IRF5: variants seen among roughly 807,000 people sequenced by gnomAD.
The protein encoded by IRF5 is interferon regulatory factor 5.
Under a neutral mutation model 55.1 loss-of-function variants are expected in IRF5, and 24 were observed. The observed-to-expected ratio is 0.44, with a 90% confidence interval of 0.32 to 0.61. The LOEUF is 0.61. Ranked by LOEUF, IRF5 falls within the 20% of genes least tolerant of loss-of-function variation. The pLI is 0.07. For missense variants in IRF5, 499 were observed against 658.5 expected (o/e 0.76, Z 2.65); for synonymous variants, 258 against 260.2 (o/e 0.99, Z 0.08).
At position 128,946,612 on chromosome 7, in the gene IRF5, G is replaced by A. The variant is rs1585304249; in HGVS notation, c.447+50G>A. 3 of 1,285,180 alleles carry A rather than the reference G, an allele frequency of 2.3e-6. No individual in the cohort carries two copies. In the East Asian group the frequency reaches 7.2e-5, roughly 31 times the overall value. The allele number at this position is 1,285,180 out of a possible 1,614,324, so 79.6% of individuals were successfully genotyped here. ...TGGAGCCCTGGACGAGCTCTCTGCT[G>A]TCCCCATCGGCCTTAGGTTTCCGCA... is the stretch of plus-strand genomic sequence containing the variant. On this transcript the variant is annotated intron_variant, in intron 4 of 8. Coordinates refer to ENST00000357234, the MANE Select transcript of IRF5 (RefSeq NM_001098629.3). The surrounding 1 kb of genome is among the most constrained non-coding windows in gnomAD (Gnocchi z 4.2).
At chr7:128,939,512 C>G (rs1188241656) in intron 1 of IRF5, among the ~76,000 whole-genome samples, 1 of 152,124 alleles carries the variant, frequency 6.6e-6, no homozygotes, top group East Asian at 1.9e-4. Context: ...CTTGTCCTCT[C>G]CCTGAGCTGG....
chr7:128,937,932 G>A lies in IRF5; in HGVS notation c.-129G>A, dbSNP rs1408012180. 1 of 152,360 alleles carries A rather than the reference G, an allele frequency of 6.6e-6. No individual in the cohort carries two copies. 9.4% of individuals were successfully genotyped at this position (152,360 alleles called of 1,614,324 possible). A position where few individuals can be genotyped will look rare whatever the true frequency, so the allele number is the denominator to read the frequency against. The stretch of plus-strand genomic sequence containing the variant: ...TGCCCAGGGGCGGGGGCGGCAAGAC[G>A]CGGAAGTGCCCGGCAGGTTGGCGGA... On this transcript the variant is annotated 5_prime_UTR_variant, in exon 1 of 9. Coordinates refer to ENST00000357234, the MANE Select transcript of IRF5 (RefSeq NM_001098629.3).
In IRF5 at chr7:128,947,485, C is replaced by T. The variant is rs748782161; in HGVS notation, c.737C>T (p.Ala246Val). 3 of 1,603,636 alleles carry T rather than the reference C, an allele frequency of 1.9e-6. No homozygotes were observed. The highest frequency in any genetic ancestry group is 1.3e-5 in the African/African-American group (1 of 74,616). Residue 246 changes from alanine (A) to valine (V), a missense_variant, in exon 6 of 9, where the codon GCA becomes GTA. Ala to Val is a moderately conservative substitution (Grantham distance 64, BLOSUM62 0). Coordinates refer to ENST00000357234, the MANE Select transcript of IRF5 (RefSeq NM_001098629.3). This position sits in a 1 kb window ranked among gnomAD's most constrained non-coding sequence, Gnocchi z 6.5. ...CCCCTGCCTGCCAGCCTGCCCCCTG[C>T]AGGCGAACAGCTCCTGCCAGACCTG... ...PGPLPASLPP[A>V]GEQLLPDLLI...
Position 128,946,694 on chromosome 7 carries a change from TG to T in IRF5, c.447+135del. 1.5e-6 allele frequency: 1 copy of T among 687,200 alleles called. No individual in the cohort carries two copies. The highest frequency in any genetic ancestry group is 1.7e-5 in the South Asian group (1 of 58,868). 42.6% of individuals were successfully genotyped at this position (687,200 alleles called of 1,614,324 possible). ...CAATAGTTCTCCTTGTTTCTTCTCCTGGGATTCTGAACGATAGGAGCACAGT... is the reference window on the plus strand; with the variant it reads ...CAATAGTTCTCCTTGTTTCTTCTCCTGGATTCTGAACGATAGGAGCACAGT... On this transcript the variant is annotated intron_variant, in intron 4 of 8. Transcript: ENST00000357234. The surrounding 1 kb of genome is among the most constrained non-coding windows in gnomAD (Gnocchi z 4.2).
chr7:128,943,376 C>CTT (rs200345101), intron 2 of IRF5, among the ~76,000 whole-genome samples: 22 of 136,732 alleles, frequency 1.6e-4, no homozygotes, highest in African/African-American at 4.3e-4. Context: ...CATATATACT[C>CTT]TTTTTTTTTT....
At position 128,945,950 on chromosome 7, in the gene IRF5, CG is replaced by C; in HGVS notation, c.302del (p.Arg101ProfsTer57). The C allele has an allele frequency of 6.2e-7, 1 of 1,613,412 alleles. No individual in the cohort carries two copies. On this transcript the variant is annotated frameshift_variant, in exon 3 of 9. Transcript: ENST00000357234. LOFTEE classifies it high-confidence loss of function. ...TGCCCTTAACAAGAGCCGGGACTTC[CG>C]CCTCATCTACGACGGGCCCCGGGAC... ...RCALNKSRDF[R>X]LIYDGPRDMP...
chr7:128,938,897 C>A (rs1795875263), intron 1 of IRF5, among the ~76,000 whole-genome samples: 1 of 152,012 alleles, frequency 6.6e-6, no homozygotes, highest in African/African-American at 2.4e-5. Flanking sequence ...CCCAGCCTCG[C>A]GGCCACGCTG....
Position 128,946,338 on chromosome 7 carries a change from T to C in IRF5, c.386-163T>C, listed in dbSNP as rs1796300899. Among the ~76,000 whole-genome samples the C allele has an allele frequency of 6.6e-6, 1 of 152,228 alleles. No individual in the cohort carries two copies. The highest frequency in any genetic ancestry group is 6.5e-5 in the Admixed American group (1 of 15,288). ...CATGGCCCATGGAGTCGGGGAGGTC[T>C]TTCCCAATCCTGGTGGCTGTGCCCT... On this transcript the variant is annotated intron_variant, in intron 3 of 8. Transcript: ENST00000357234. The surrounding 1 kb of genome is among the most constrained non-coding windows in gnomAD (Gnocchi z 4.2).
At position 128,948,565 on chromosome 7, in the gene IRF5, C is replaced by T; in HGVS notation, c.1300-8C>T. On this transcript the variant is annotated splice_polypyrimidine_tract_variant and splice_region_variant and intron_variant, in intron 8 of 8. Coordinates refer to ENST00000357234, the MANE Select transcript of IRF5 (RefSeq NM_001098629.3). This position sits in a 1 kb window ranked among gnomAD's most constrained non-coding sequence, Gnocchi z 4.6. The stretch of plus-strand genomic sequence containing the variant: ...GTCTCCCTGTCTCATCTCCTCTTTG[C>T]CTCCCAGGTGGTGCCTGTAGCAGCT... 6.2e-7 allele frequency: 1 copy of T among 1,613,280 alleles called. No homozygotes were observed. Among genetic ancestry groups the T allele is most frequent in the Non-Finnish European group, 8.5e-7 (1 of 1,179,992 alleles).
chr7:128,948,240 A>C lies in IRF5; in HGVS notation c.1211A>C (p.Asn404Thr). 6.2e-7 allele frequency: 1 copy of C among 1,613,586 alleles called. No individual in the cohort carries two copies. The highest frequency in any genetic ancestry group is 8.5e-7 in the Non-Finnish European group (1 of 1,179,848). Residue 404 changes from asparagine to threonine, a missense_variant, in exon 8 of 9, where the codon AAC becomes ACC. This residue lies in a region of IRF5 where 194 missense variants were observed against 318.3 expected (regional missense o/e 0.61). Transcript: ENST00000357234. This position sits in a 1 kb window ranked among gnomAD's most constrained non-coding sequence, Gnocchi z 4.6. The part of the protein sequence containing the change: ...ELILFQKGQT[N>T]TPPPFEIFFC... ...ATCCTGTTCCAAAAGGGCCAGACCA[A>C]CACCCCACCACCCTTCGAGATCTTC...
In IRF5 at chr7:128,938,035, G is replaced by T. The variant is rs530703377; in HGVS notation, c.-26G>T. On this transcript the variant is annotated 5_prime_UTR_variant, in exon 1 of 9. Coordinates refer to ENST00000357234, the MANE Select transcript of IRF5 (RefSeq NM_001098629.3). ...GGTGCTCCCTGGCGCAGCCACGCAG[G>T]CGCACCGCAGACAGGTGGGTCCCGG... 272 of 152,006 alleles carry T rather than the reference G, an allele frequency of 1.8e-3. No individual in the cohort carries two copies. Among genetic ancestry groups the T allele is most frequent in the Non-Finnish European group, 1.8e-3 (121 of 67,944 alleles). The allele number at this position is 152,006 out of a possible 1,614,324, so 9.4% of individuals were successfully genotyped here. A position where few individuals can be genotyped will look rare whatever the true frequency, so the allele number is the denominator to read the frequency against.
In IRF5 at chr7:128,946,454, C is replaced by T. The variant is rs150186560; in HGVS notation, c.386-47C>T. 1.9e-5 allele frequency: 30 copies of T among 1,568,846 alleles called. 2 individuals are homozygous for T. The highest frequency in any genetic ancestry group is 1.8e-4 in the South Asian group (15 of 85,326). Reference sequence around the variant, plus strand: ...CTCTCAGGGGATCTTGCTTCTCCTCCGACATTGACTCCTTTACTGCCCTGC... The same window carrying T: ...CTCTCAGGGGATCTTGCTTCTCCTCTGACATTGACTCCTTTACTGCCCTGC... On this transcript the variant is annotated intron_variant, in intron 3 of 8. Coordinates refer to ENST00000357234, the MANE Select transcript of IRF5 (RefSeq NM_001098629.3). The surrounding 1 kb of genome is among the most constrained non-coding windows in gnomAD (Gnocchi z 4.2).
intron 1 of IRF5, among the ~76,000 whole-genome samples, chr7:128,939,658 C>T (rs1169075497): frequency 6.6e-6 from 1 of 152,146 alleles, no homozygotes. Context: ...AATTGCAGCT[C>T]CTGGGTGGTG....
Position 128,948,745 on chromosome 7 carries a change from C to T in IRF5, c.1472C>T (p.Ala491Val). ...WQSQQRLQPVAQAPPGAGLGV... is the reference protein window; with the variant it reads ...WQSQQRLQPVVQAPPGAGLGV... ...TCCCAGCAGCGGTTGCAGCCTGTGG[C>T]CCAGGCCCCTCCTGGAGCAGGCCTT... The change falls in exon 9 of 9, where the codon GCC becomes GTC. Residue 491 changes from alanine to valine, a missense_variant. Ala to Val is a moderately conservative substitution (Grantham distance 64, BLOSUM62 0). This residue lies in a region of IRF5 where 194 missense variants were observed against 318.3 expected (regional missense o/e 0.61). Transcript: ENST00000357234. The surrounding 1 kb of genome is among the most constrained non-coding windows in gnomAD (Gnocchi z 4.6). The T allele has an allele frequency of 6.2e-7, 1 of 1,613,156 alleles. No homozygotes were observed. Among genetic ancestry groups the T allele is most frequent in the Non-Finnish European group, 8.5e-7 (1 of 1,180,040 alleles).
rs780657198 is a variant in IRF5 at position 128,947,133 on chromosome 7, G to T, written c.481+77G>T. 1.9e-6 allele frequency: 3 copies of T among 1,612,870 alleles called. No homozygotes were observed. The highest frequency in any genetic ancestry group is 2.5e-6 in the Non-Finnish European group (3 of 1,179,248). ...TACCATAGGTACCTGGAAGGGGGCTGATGGGAGGCTAGGGTGGCCCAGGGC... is the reference window on the plus strand; with the variant it reads ...TACCATAGGTACCTGGAAGGGGGCTTATGGGAGGCTAGGGTGGCCCAGGGC... On this transcript the variant is annotated intron_variant, in intron 5 of 8. Transcript: ENST00000357234. This position sits in a 1 kb window ranked among gnomAD's most constrained non-coding sequence, Gnocchi z 6.5.
chr7:128,946,689 TCTC>T lies in IRF5; in HGVS notation c.447+130_447+132del. On this transcript the variant is annotated intron_variant, in intron 4 of 8. Coordinates refer to ENST00000357234, the MANE Select transcript of IRF5 (RefSeq NM_001098629.3). This position sits in a 1 kb window ranked among gnomAD's most constrained non-coding sequence, Gnocchi z 4.2. The stretch of plus-strand genomic sequence containing the variant: ...CCTCTCAATAGTTCTCCTTGTTTCT[TCTC>T]CTGGGATTCTGAACGATAGGAGCAC... The T allele has an allele frequency of 4.3e-6, 3 of 690,970 alleles. No homozygotes were observed. The highest frequency in any genetic ancestry group is 7.6e-6 in the Non-Finnish European group (3 of 394,108). The allele number at this position is 690,970 out of a possible 1,614,324, so 42.8% of individuals were successfully genotyped here.
chr7:128,946,437 G>T lies in IRF5; in HGVS notation c.386-64G>T. The T allele has an allele frequency of 6.4e-7, 1 of 1,552,730 alleles. No individual in the cohort carries two copies. Among genetic ancestry groups the T allele is most frequent in the Non-Finnish European group, 8.7e-7 (1 of 1,146,510 alleles). On this transcript the variant is annotated intron_variant, in intron 3 of 8. Coordinates refer to ENST00000357234, the MANE Select transcript of IRF5 (RefSeq NM_001098629.3). The surrounding 1 kb of genome is among the most constrained non-coding windows in gnomAD (Gnocchi z 4.2). ...TAGGAGCTACAGGCAGCCTCTCAGG[G>T]GATCTTGCTTCTCCTCCGACATTGA...
Position 128,942,120 on chromosome 7 carries a change from C to T in IRF5, c.39C>T (p.Arg13=). 1 of 1,612,236 alleles carries T rather than the reference C, an allele frequency of 6.2e-7. No homozygotes were observed. The highest frequency in any genetic ancestry group is 1.3e-5 in the African/African-American group (1 of 75,040). ...TCCCAGTGGCTCCCACCCCACCCCG[C>T]CGCGTGCGGCTGAAGCCCTGGCTGG... ...QSIPVAPTPP[R]RVRLKPWLVA... Residue 13 remains arginine (R), a synonymous_variant, in exon 2 of 9, where the codon CGC becomes CGT. Coordinates refer to ENST00000357234, the MANE Select transcript of IRF5 (RefSeq NM_001098629.3).
chr7:128,948,649 T>C lies in IRF5; in HGVS notation c.1376T>C (p.Leu459Pro). ...TCTTGGTCAGCTGATAGTATCCGGCTACAGATCTCAAACCCAGACCTCAAA... is the reference window on the plus strand; with the variant it reads ...TCTTGGTCAGCTGATAGTATCCGGCCACAGATCTCAAACCCAGACCTCAAA... ...ELSWSADSIRLQISNPDLKDR... is the reference protein window; with the variant it reads ...ELSWSADSIRPQISNPDLKDR... Residue 459 changes from leucine to proline, a missense_variant, in exon 9 of 9, where the codon CTA (leucine) becomes CCA (proline). Leu to Pro is a moderately conservative substitution (Grantham distance 98). This residue lies in a region of IRF5 where 194 missense variants were observed against 318.3 expected (regional missense o/e 0.61). Transcript: ENST00000357234. The surrounding 1 kb of genome is among the most constrained non-coding windows in gnomAD (Gnocchi z 4.6). 6.2e-7 allele frequency: 1 copy of C among 1,614,204 alleles called. No individual in the cohort carries two copies. The highest frequency in any genetic ancestry group is 1.1e-5 in the South Asian group (1 of 91,084).
Sources: allele counts gnomAD v4.1 joint callset (sites outside exome capture counted in the v4.1 genomes callset), GRCh38; gene constraint gnomAD v4.1.1; regional missense constraint gnomAD v4.1.1; non-coding constraint Gnocchi (gnomAD v3.1); transcripts MANE v1.5; gene names NCBI Gene and HGNC (gene_info 2026-07-23, HGNC 2026-07-21).